Variants in RGS5 observed in about 807,000 individuals in gnomAD.
RGS5 encodes the protein regulator of G-protein signalling 5.
In RGS5, 20 loss-of-function variants were observed where a neutral mutation model predicts 18.9. The ratio of observed to expected loss-of-function variants is 1.06; its 90% confidence interval spans 0.74 to 1.54. The LOEUF (loss-of-function observed/expected upper bound fraction) is 1.54. Ranked by LOEUF, RGS5 falls within the 40% of genes most tolerant of loss-of-function variation. RGS5 has a pLI of 0.00. For missense variants in RGS5, 201 were observed against 211.8 expected (o/e 0.95, Z 0.32); for synonymous variants, 57 against 76.2 (o/e 0.75, Z 1.31).
At chr1:163,177,401 G>A (rs773232752) in intron 1 of RGS5, among the ~76,000 whole-genome samples, 12 of 152,196 alleles carry the variant, frequency 7.9e-5, no homozygotes, top group Non-Finnish European at 1.6e-4. Context: ...TGAGATTATA[G>A]AATAAGTCAT....
chr1:163,153,829 CAT>C (rs3835731), intron 3 of RGS5, among the ~76,000 whole-genome samples: 1 of 150,264 alleles, frequency 6.7e-6, no homozygotes, highest in Non-Finnish European at 1.5e-5. Context: ...ATATTACACA[CAT>C]ATATATATAT....
chr1:163,200,635 T>A (rs1659740088), intron 1 of RGS5, among the ~76,000 whole-genome samples: 1 of 152,158 alleles, frequency 6.6e-6, no homozygotes, highest in Non-Finnish European at 1.5e-5. Context: ...AACATTCTTC[T>A]CAGGCAGCAT....
chr1:163,184,400 C>CAA lies in RGS5; in HGVS notation c.45-16034_45-16033dup, dbSNP rs34214775. Among the ~76,000 whole-genome samples the CAA allele has an allele frequency of 4.3e-4, 45 of 105,036 alleles. 1 individual carries two copies. The highest frequency in any genetic ancestry group is 7.1e-4 in the African/African-American group (22 of 31,058). 68.9% of individuals were successfully genotyped at this position (105,036 alleles called of 152,430 possible). ...AGCTTTCCTGACCACCCCATCCCTC[C>CAA]AAAAAAAAAAAAAAAAGGGAAGAAC... is the stretch of plus-strand genomic sequence containing the variant. On this transcript the variant is annotated intron_variant, in intron 1 of 4. Coordinates refer to ENST00000313961, the MANE Select transcript of RGS5 (RefSeq NM_003617.4).
At chr1:163,174,251 T>C (rs938748660) in intron 1 of RGS5, among the ~76,000 whole-genome samples, 2 of 152,238 alleles carry the variant, frequency 1.3e-5, no homozygotes, top group African/African-American at 4.8e-5. Flanking sequence ...TCCATATGTA[T>C]ATGTATATGC....
chr1:163,202,741 TA>T (rs1230982664), intron 1 of RGS5, 50 bp downstream of exon 1: 7 of 1,573,308 alleles, frequency 4.4e-6, no homozygotes, highest in Non-Finnish European at 6.1e-6. Context: ...CTCCCTTGAG[TA>T]AAGATTCTCC....
chr1:163,264,839 T>C (rs1175797894), intron 2 of RGS5, among the ~76,000 whole-genome samples: 1 of 152,082 alleles, frequency 6.6e-6, no homozygotes, highest in Non-Finnish European at 1.5e-5. Flanking sequence ...ACTCTCCTGA[T>C]GACTTCTTTT....
intron 2 of RGS5, among the ~76,000 whole-genome samples, chr1:163,279,335 T>C (rs1222507464): frequency 1.3e-5 from 2 of 151,690 alleles, no homozygotes; most frequent in Non-Finnish European, 2.9e-5. Flanking sequence ...TGGATCACAA[T>C]GGAATAAAAC....
chr1:163,153,158 T>C (rs1176164150), intron 3 of RGS5, among the ~76,000 whole-genome samples: 1 of 152,226 alleles, frequency 6.6e-6, no homozygotes, highest in African/African-American at 2.4e-5. Context: ...TAAGTATCAC[T>C]ATGAACTACT....
At chr1:163,305,812 G>C (rs773089286) in intron 2 of RGS5, among the ~76,000 whole-genome samples, 4 of 152,064 alleles carry the variant, frequency 2.6e-5, no homozygotes, top group Admixed American at 6.5e-5. Context: ...CCCCTCACTT[G>C]ACTATCCTCT....
intron 2 of RGS5, among the ~76,000 whole-genome samples, chr1:163,300,938 G>C (rs1400636773): frequency 6.6e-6 from 1 of 152,312 alleles, no homozygotes; most frequent in Middle Eastern, 3.4e-3. Context: ...GTTGTGTTGT[G>C]CATAGGAATA....
chr1:163,317,298 C>T (rs1383218197), intron 1 of RGS5, among the ~76,000 whole-genome samples: 3 of 152,166 alleles, frequency 2.0e-5, no homozygotes, highest in African/African-American at 4.8e-5. Flanking sequence ...AAGATTTGTG[C>T]TAAGCTGTGG....
At chr1:163,235,018 C>A (rs951226345) in intron 2 of RGS5, among the ~76,000 whole-genome samples, 1 of 152,212 alleles carries the variant, frequency 6.6e-6, no homozygotes, top group East Asian at 1.9e-4. Context: ...TTGATCAAAG[C>A]AAGTCACAGG....
intron 2 of RGS5, among the ~76,000 whole-genome samples, chr1:163,226,688 T>C (rs1027834761): frequency 1.3e-5 from 2 of 152,226 alleles, no homozygotes; most frequent in African/African-American, 4.8e-5. Context: ...AACTAGAGAA[T>C]TATCTTTTCT....
At chr1:163,201,689 T>C (rs1357528585) in intron 1 of RGS5, among the ~76,000 whole-genome samples, 4 of 152,144 alleles carry the variant, frequency 2.6e-5, no homozygotes, top group Non-Finnish European at 5.9e-5. Context: ...TACAATGTTA[T>C]CTCCTTAAAA....
intron 1 of RGS5, among the ~76,000 whole-genome samples, chr1:163,214,243 C>T (rs1660170678): frequency 1.3e-5 from 2 of 152,224 alleles, no homozygotes; most frequent in South Asian, 4.2e-4. Flanking sequence ...ACAGGAGAGA[C>T]AGATTTCATG....
At chr1:163,216,026 G>A (rs1557908505) in intron 1 of RGS5, among the ~76,000 whole-genome samples, 3 of 152,172 alleles carry the variant, frequency 2.0e-5, no homozygotes. Context: ...TGTAATGAAG[G>A]CCTCCCAAAG....
intron 2 of RGS5, among the ~76,000 whole-genome samples, chr1:163,270,352 GAAAAAAA>G (rs59181379): frequency 1.1e-5 from 1 of 94,700 alleles, no homozygotes; most frequent in Non-Finnish European, 2.0e-5. Flanking sequence ...TCTCTATTGA[GAAAAAAA>G]AAAAAAAAAA....
At chr1:163,313,996 T>C (rs893788210) in intron 1 of RGS5, among the ~76,000 whole-genome samples, 33 of 52,914 alleles carry the variant, frequency 6.2e-4, no homozygotes, top group Admixed American at 1.5e-3. Flanking sequence ...AAATAAGATA[T>C]ATATGTGTGT....
intron 1 of RGS5, among the ~76,000 whole-genome samples, chr1:163,183,914 A>G (rs1658961109): frequency 6.6e-6 from 1 of 152,144 alleles, no homozygotes; most frequent in African/African-American, 2.4e-5. Context: ...CATTTCCCTA[A>G]TAAGTTTTCT....
Sources: gnomAD v4.1 joint callset for allele counts (sites outside exome capture counted in the v4.1 genomes callset) on GRCh38, gnomAD v4.1.1 for gene constraint, MANE v1.5 for transcripts, NCBI Gene and HGNC (gene_info 2026-07-23, HGNC 2026-07-21) for gene names.